Variants in SGPL1 observed in about 807,000 individuals in gnomAD.
The protein encoded by SGPL1 is SP-lyase 1.
Under a neutral mutation model 68.9 loss-of-function variants are expected in SGPL1, and 37 were observed. The observed-to-expected ratio is 0.54, with a 90% CI of 0.41 to 0.71. The LOEUF is 0.71. Among genes scored for constraint, SGPL1 ranks in the 30% least tolerant of loss-of-function variants. The pLI is 0.00. For synonymous variants in SGPL1, 236 were observed against 248.5 expected, an observed-to-expected ratio of 0.95 and a Z score of 0.47; for missense variants, 551 against 704.6, an observed-to-expected ratio of 0.78 and a Z score of 2.47.
intron 2 of SGPL1, among the ~76,000 whole-genome samples, chr10:70,832,213 T>G (rs1845552386): frequency 6.6e-6 from 1 of 152,236 alleles, no homozygotes; most frequent in African/African-American, 2.4e-5. Context: ...TTCTTGGTAA[T>G]TTCGAAGATG....
At chr10:70,852,865 A>G (rs1845909900) in intron 4 of SGPL1, among the ~76,000 whole-genome samples, 1 of 152,238 alleles carries the variant, frequency 6.6e-6, no homozygotes, top group African/African-American at 2.4e-5. Flanking sequence ...CCTCTCATGG[A>G]ACTTACATTT....
At chr10:70,834,793 G>A (rs1589452211) in intron 2 of SGPL1, among the ~76,000 whole-genome samples, 1 of 152,208 alleles carries the variant, frequency 6.6e-6, no homozygotes, top group Non-Finnish European at 1.5e-5. Flanking sequence ...CCTGATTTGT[G>A]CCACTGATAG....
Position 70,868,442 on chromosome 10 carries a change from G to T in SGPL1, c.704+9G>T. 6.2e-7 allele frequency: 1 copy of T among 1,609,026 alleles called. No homozygotes were observed. On this transcript the variant is annotated intron_variant, in intron 8 of 14. Transcript: ENST00000373202. The stretch of plus-strand genomic sequence containing the variant: ...ATCAAAACTCCAGAAATGTATGTAT[G>T]TGTGGCTGTTTTGTCCCCTTTTGGA...
At chr10:70,872,758 C>G (rs997642465) in intron 11 of SGPL1, among the ~76,000 whole-genome samples, 3 of 152,090 alleles carry the variant, frequency 2.0e-5, no homozygotes, top group Non-Finnish European at 4.4e-5. Flanking sequence ...CCATCCATTT[C>G]TGGATGGTTC....
At chr10:70,853,392 A>G (rs186343888) in intron 4 of SGPL1, among the ~76,000 whole-genome samples, 10 of 152,244 alleles carry the variant, frequency 6.6e-5, no homozygotes, top group African/African-American at 1.9e-4. Context: ...TGCTGAAACA[A>G]TAGCACTGTG....
intron 11 of SGPL1, 145 bp downstream of exon 11, chr10:70,872,131 C>T: frequency 1.2e-6 from 1 of 819,458 alleles, no homozygotes. Flanking sequence ...TTGCCGTCAC[C>T]AGATCAGCTG....
At chr10:70,818,971 G>A (rs764225873) in intron 2 of SGPL1, among the ~76,000 whole-genome samples, 1 of 152,192 alleles carries the variant, frequency 6.6e-6, no homozygotes, top group Non-Finnish European at 1.5e-5. Flanking sequence ...ACCGCTGTGA[G>A]CATCTTGGAT....
intron 11 of SGPL1, among the ~76,000 whole-genome samples, chr10:70,872,995 T>C (rs1846321161): frequency 6.6e-6 from 1 of 152,234 alleles, no homozygotes; most frequent in African/African-American, 2.4e-5. Flanking sequence ...AATTCCATCC[T>C]TTCCTGGCTT....
intron 8 of SGPL1, 54 bp from the exon 9 acceptor site, chr10:70,869,738 G>A (rs1217981658): frequency 1.5e-6 from 2 of 1,346,382 alleles, no homozygotes; most frequent in Non-Finnish European, 2.1e-6. Context: ...TGCTAATGGT[G>A]TTTTCTATTA....
chr10:70,842,366 A>G (rs779802065), intron 2 of SGPL1, among the ~76,000 whole-genome samples: 34 of 152,188 alleles, frequency 2.2e-4, no homozygotes, highest in Admixed American at 2.6e-4. Context: ...ATCAGTTTGT[A>G]TATCAGTTTT....
intron 2 of SGPL1, among the ~76,000 whole-genome samples, chr10:70,825,489 A>G (rs1845416583): frequency 6.6e-6 from 1 of 152,180 alleles, no homozygotes; most frequent in South Asian, 2.1e-4. Context: ...TAATTCTTGA[A>G]CAGAATCTTG....
At chr10:70,876,369 A>G (rs1456993992) in intron 13 of SGPL1, among the ~76,000 whole-genome samples, 172 bp from the exon 14 acceptor site, 3 of 152,070 alleles carry the variant, frequency 2.0e-5, no homozygotes, top group African/African-American at 7.2e-5. Flanking sequence ...CATGCCTGAC[A>G]CCCCAAGCAT....
At chr10:70,862,353 G>T (rs1487377563) in intron 7 of SGPL1, among the ~76,000 whole-genome samples, 1 of 152,086 alleles carries the variant, frequency 6.6e-6, no homozygotes, top group Non-Finnish European at 1.5e-5. Flanking sequence ...TGGGGACGTG[G>T]AGAACCTTTG....
intron 9 of SGPL1, 35 bp from the exon 10 acceptor site, chr10:70,871,013 A>G: frequency 6.4e-7 from 1 of 1,559,300 alleles, no homozygotes; most frequent in South Asian, 1.1e-5. Context: ...ATTGTGACAT[A>G]GATTCTCATT....
At chr10:70,848,450 C>T (rs1423604639) in intron 3 of SGPL1, among the ~76,000 whole-genome samples, 2 of 136,480 alleles carry the variant, frequency 1.5e-5, no homozygotes, top group South Asian at 2.3e-4. Flanking sequence ...GATTACCTCA[C>T]GTACTTTTTT....
rs768589649 is a variant in SGPL1, at chr10:70,844,518, A to G, written c.73A>G (p.Lys25Glu). 12 of 1,614,150 alleles carry G rather than the reference A, an allele frequency of 7.4e-6. No homozygotes were observed. The Admixed American group carries it at 1.8e-4, about 25-fold the overall frequency. ...YLEILEVYSTKAKNYVNGHCT... is the reference protein window; with the variant it reads ...YLEILEVYSTEAKNYVNGHCT... Reference sequence around the variant, plus strand: ...AGAGATTTTGGAAGTATACTCCACAAAAGCCAAGAATTATGTAAATGGACA... The same window carrying G: ...AGAGATTTTGGAAGTATACTCCACAGAAGCCAAGAATTATGTAAATGGACA... The change falls in exon 3 of 15, where the codon AAA becomes GAA. Residue 25 changes from lysine (K) to glutamate (E), a missense_variant. Lys to Glu is a moderately conservative substitution (Grantham distance 56). Coordinates refer to ENST00000373202, the MANE Select transcript of SGPL1 (RefSeq NM_003901.4).
intron 10 of SGPL1, 29 bp from the exon 11 acceptor site, chr10:70,871,808 C>T: frequency 1.9e-6 from 3 of 1,607,510 alleles, no homozygotes; most frequent in Non-Finnish European, 2.5e-6. Context: ...AAAGGAAATT[C>T]TCTTATGTTC....
Position 70,877,424 on chromosome 10 carries a change from T to G in SGPL1, c.*89T>G. Reference sequence around the variant, plus strand: ...GGCCGTGCACAACTTTGACATCTGGTCTTGCTCCATAGAGCACAACTCAAG... The same window carrying G: ...GGCCGTGCACAACTTTGACATCTGGGCTTGCTCCATAGAGCACAACTCAAG... On this transcript the variant is annotated 3_prime_UTR_variant, in exon 15 of 15. Coordinates refer to ENST00000373202, the MANE Select transcript of SGPL1 (RefSeq NM_003901.4). 1 of 1,330,668 alleles carries G rather than the reference T, an allele frequency of 7.5e-7. No individual in the cohort carries two copies. The highest frequency in any genetic ancestry group is 1.1e-6 in the Non-Finnish European group (1 of 932,458). 82.4% of individuals were successfully genotyped at this position (1,330,668 alleles called of 1,614,324 possible). A position where few individuals can be genotyped will look rare whatever the true frequency, so the allele number is the denominator to read the frequency against.
chr10:70,863,909 T>C (rs1445437506), intron 7 of SGPL1, among the ~76,000 whole-genome samples: 1 of 152,198 alleles, frequency 6.6e-6, no homozygotes, highest in East Asian at 1.9e-4. Context: ...TTCTGGTCCA[T>C]CCTTTGCTCA....
Sources: gnomAD v4.1 joint callset for allele counts (sites outside exome capture counted in the v4.1 genomes callset) on GRCh38, gnomAD v4.1.1 for gene constraint, MANE v1.5 for transcripts, NCBI Gene and HGNC (gene_info 2026-07-23, HGNC 2026-07-21) for gene names.